CHST9: variants seen among roughly 807,000 people sequenced by gnomAD.
CHST9 encodes the protein carbohydrate sulfotransferase 9.
CHST9 carries 41 observed loss-of-function variants against 44.4 expected under a neutral mutation model. The ratio of observed to expected loss-of-function variants is 0.92; its 90% CI spans 0.72 to 1.20. The LOEUF is 1.20. Ranked by LOEUF, CHST9 falls within the 50% of genes most tolerant of loss-of-function variation. The probability of loss-of-function intolerance (pLI) is 0.00; values close to 1 mark genes in which losing one functional copy is unlikely to be tolerated. For missense variants in CHST9, 504 were observed against 516.5 expected, an observed-to-expected ratio of 0.98 and a Z score of 0.23; for synonymous variants, 171 against 178.4, an observed-to-expected ratio of 0.96 and a Z score of 0.33.
intron 2 of CHST9, among the ~76,000 whole-genome samples, chr18:27,098,339 A>T (rs1164162426): frequency 1.3e-5 from 2 of 152,120 alleles, no homozygotes; most frequent in Non-Finnish European, 1.5e-5. Flanking sequence ...GAGAAATAGG[A>T]ATGCTTTTAC....
In CHST9 at chr18:26,943,942, T is replaced by G. The variant is rs576773532; in HGVS notation, c.240+387A>C. ...TGGGAGGCAGTGACTTTTAGCTGATTGAACGAAAACCTGAGAAAATCACGG... is the reference window on the plus strand; with the variant it reads ...TGGGAGGCAGTGACTTTTAGCTGATGGAACGAAAACCTGAGAAAATCACGG... On this transcript the variant is annotated intron_variant, in intron 5 of 5. Coordinates refer to ENST00000618847, the MANE Select transcript of CHST9 (RefSeq NM_031422.6). Among the ~76,000 whole-genome samples, 5 of 152,308 alleles carry G rather than the reference T, an allele frequency of 3.3e-5. No individual in the cohort carries two copies. The South Asian group carries it at 1.0e-3, about 32-fold the overall frequency.
chr18:27,158,204 T>A (rs1406378336), intron 1 of CHST9, among the ~76,000 whole-genome samples: 2 of 152,182 alleles, frequency 1.3e-5, no homozygotes, highest in Non-Finnish European at 2.9e-5. Context: ...GCTGCACCCA[T>A]CAACTCATCA....
At chr18:27,005,013 C>A (rs183315285) in intron 4 of CHST9, among the ~76,000 whole-genome samples, 1 of 152,266 alleles carries the variant, frequency 6.6e-6, no homozygotes, top group East Asian at 1.9e-4. Context: ...AACAAAATAG[C>A]AGCACAGACA....
At chr18:26,921,995 C>T (rs530631479) in intron 5 of CHST9, among the ~76,000 whole-genome samples, 3 of 152,222 alleles carry the variant, frequency 2.0e-5, no homozygotes, top group African/African-American at 7.2e-5. Context: ...ATTCATTATC[C>T]TCCTAATTAG....
intron 2 of CHST9, 88 bp downstream of exon 2, chr18:27,142,601 C>G: frequency 1.1e-6 from 1 of 890,400 alleles, no homozygotes; most frequent in African/African-American, 1.8e-5. Context: ...TTGTGATTCT[C>G]AATATATTAA....
chr18:27,180,856 T>A (rs2058906410), intron 1 of CHST9, among the ~76,000 whole-genome samples: 1 of 152,334 alleles, frequency 6.6e-6, no homozygotes, highest in Middle Eastern at 3.4e-3. Context: ...AATAAGTGTA[T>A]ATAAAATTTA....
chr18:27,128,626 C>CA (rs1489514909), intron 2 of CHST9, among the ~76,000 whole-genome samples: 2 of 152,144 alleles, frequency 1.3e-5, no homozygotes, highest in Admixed American at 1.3e-4. Flanking sequence ...CTGAACCTAG[C>CA]AAAACGGAGA....
chr18:27,170,301 G>C (rs1181768727), intron 1 of CHST9, among the ~76,000 whole-genome samples: 1 of 152,142 alleles, frequency 6.6e-6, no homozygotes, highest in Non-Finnish European at 1.5e-5. Flanking sequence ...GATGACTTGA[G>C]GTGGTGAAAG....
intron 2 of CHST9, among the ~76,000 whole-genome samples, chr18:27,126,112 A>G (rs2058421652): frequency 6.6e-6 from 1 of 152,236 alleles, no homozygotes; most frequent in South Asian, 2.1e-4. Context: ...ACAATCATGC[A>G]CTTTTCGCTC....
At chr18:26,969,366 C>CTGTGTGTGTGTGTGTGTGTG (rs1247934551) in intron 4 of CHST9, among the ~76,000 whole-genome samples, 1 of 99,402 alleles carries the variant, frequency 1.0e-5, no homozygotes, top group African/African-American at 6.7e-5. Flanking sequence ...TTGATTCTCT[C>CTGTGTGTGTGTGTGTGTGTG]TCTCTCTCTC....
In CHST9 at chr18:26,917,259, G is replaced by A. The variant is rs774693450; in HGVS notation, c.332C>T (p.Thr111Ile). 6.2e-6 allele frequency: 10 copies of A among 1,613,622 alleles called. 1 individual carries two copies. The Admixed American group carries it at 1.5e-4, about 24-fold the overall frequency. The change falls in exon 6 of 6, where the codon ACC becomes ATC. Residue 111 changes from threonine (T) to isoleucine (I), a missense_variant. Coordinates refer to ENST00000618847, the MANE Select transcript of CHST9 (RefSeq NM_031422.6). ...SERSTRLLTK[T>I]SHSQGGDQAL... ...TTGATCCCCTCCTTGTGAATGACTG[G>A]TCTTTGTTAAGAGCCTAGTAGATCT...
chr18:26,974,203 G>T (rs2056588884), intron 4 of CHST9, among the ~76,000 whole-genome samples: 1 of 152,196 alleles, frequency 6.6e-6, no homozygotes. Context: ...TGAAATGAAA[G>T]AAATAAGGGA....
chr18:27,154,283 T>G (rs2058681745), intron 1 of CHST9, among the ~76,000 whole-genome samples: 1 of 152,170 alleles, frequency 6.6e-6, no homozygotes, highest in African/African-American at 2.4e-5. Context: ...ATTATTTAAC[T>G]TAATTTTCAC....
intron 4 of CHST9, among the ~76,000 whole-genome samples, chr18:26,980,929 T>TA (rs2056684436): frequency 1.3e-5 from 2 of 152,196 alleles, no homozygotes; most frequent in Admixed American, 1.3e-4. Flanking sequence ...GAAGTGATCT[T>TA]AAAGAATATA....
intron 1 of CHST9, among the ~76,000 whole-genome samples, chr18:27,164,069 A>T (rs1483665171): frequency 6.6e-6 from 1 of 152,258 alleles, no homozygotes; most frequent in Non-Finnish European, 1.5e-5. Context: ...ACCAGAAAGA[A>T]GCAAGATGTT....
intron 2 of CHST9, among the ~76,000 whole-genome samples, chr18:27,089,846 T>C (rs761287943): frequency 6.7e-6 from 1 of 148,300 alleles, no homozygotes; most frequent in Non-Finnish European, 1.5e-5. Context: ...AGTCTTGCTC[T>C]GCCGCTCAGG....
At chr18:27,138,747 T>C (rs1263720444) in intron 2 of CHST9, among the ~76,000 whole-genome samples, 1 of 152,178 alleles carries the variant, frequency 6.6e-6, no homozygotes, top group Non-Finnish European at 1.5e-5. Flanking sequence ...AAAATATGAC[T>C]ATCCTCATTT....
intron 2 of CHST9, among the ~76,000 whole-genome samples, chr18:27,066,884 A>G (rs1280724396): frequency 6.6e-6 from 1 of 152,198 alleles, no homozygotes; most frequent in African/African-American, 2.4e-5. Flanking sequence ...GACTTCTAGG[A>G]GAGCACAAAG....
At chr18:27,072,834 T>C (rs897669346) in intron 2 of CHST9, among the ~76,000 whole-genome samples, 1 of 152,304 alleles carries the variant, frequency 6.6e-6, no homozygotes, top group East Asian at 1.9e-4. Context: ...AGTAGGGGCT[T>C]CTCTTTCTGT....
Sources: gnomAD v4.1 joint callset for allele counts (sites outside exome capture counted in the v4.1 genomes callset) on GRCh38, gnomAD v4.1.1 for gene constraint, MANE v1.5 for transcripts, NCBI Gene and HGNC (gene_info 2026-07-23, HGNC 2026-07-21) for gene names.